GRAMD1B: variants seen among roughly 807,000 people sequenced by gnomAD.
GRAMD1B encodes protein Aster-B.
Under a neutral mutation model 99.7 loss-of-function variants are expected in GRAMD1B, and 37 were observed. The observed-to-expected ratio is 0.37, with a 90% CI of 0.29 to 0.49. The LOEUF is 0.49. Among genes scored for constraint, GRAMD1B ranks in the 20% least tolerant of loss-of-function variants. The pLI, the probability that GRAMD1B is intolerant of heterozygous loss-of-function variation, is 0.98. For missense variants in GRAMD1B, 888 were observed against 1,009.2 expected (o/e 0.88, Z 1.63); for synonymous variants, 427 against 387.6 (o/e 1.10, Z -1.19).
At chr11:123,532,547 G>A (rs1003681162) in intron 2 of GRAMD1B, among the ~76,000 whole-genome samples, 5 of 152,186 alleles carry the variant, frequency 3.3e-5, no homozygotes, top group African/African-American at 1.2e-4. Flanking sequence ...CTAAGACACA[G>A]CAGCACTTCC....
At chr11:123,419,741 G>C (rs1948360549) in intron 1 of GRAMD1B, among the ~76,000 whole-genome samples, 1 of 139,754 alleles carries the variant, frequency 7.2e-6, no homozygotes, top group African/African-American at 2.9e-5. Context: ...GTGTGTGTGT[G>C]TGTGTGAATG....
chr11:123,518,745 TAGAGTGATC>T (rs1255062894), intron 2 of GRAMD1B, among the ~76,000 whole-genome samples: 1 of 152,170 alleles, frequency 6.6e-6, no homozygotes, highest in African/African-American at 2.4e-5. Flanking sequence ...CTTTAGATTC[TAGAGTGATC>T]AGAGGATCAG....
intron 3 of GRAMD1B, chr11:123,578,304 C>A: frequency 1.1e-6 from 1 of 917,952 alleles, no homozygotes; most frequent in Non-Finnish European, 1.7e-6. Context: ...CCCTGGGAGG[C>A]ATGGGAGCTG....
chr11:123,433,592 T>C (rs1188757744), intron 1 of GRAMD1B, among the ~76,000 whole-genome samples: 1 of 152,092 alleles, frequency 6.6e-6, no homozygotes, highest in Non-Finnish European at 1.5e-5. Context: ...AGTTCAAGGC[T>C]TTAGTAGGCT....
At chr11:123,607,280 A>G (rs529074374) in intron 11 of GRAMD1B, among the ~76,000 whole-genome samples, 1 of 152,154 alleles carries the variant, frequency 6.6e-6, no homozygotes, top group Non-Finnish European at 1.5e-5. Flanking sequence ...TTGTTTCTCT[A>G]ATTTTTGTAA....
intron 2 of GRAMD1B, among the ~76,000 whole-genome samples, chr11:123,519,552 C>A (rs1253208793): frequency 1.3e-5 from 2 of 152,218 alleles, no homozygotes; most frequent in Non-Finnish European, 1.5e-5. Flanking sequence ...TGATGACTCC[C>A]CTGCCTGAGC....
chr11:123,402,950 C>A lies in GRAMD1B; in HGVS notation c.-176+44151C>A, dbSNP rs140120761. 7.9e-4 allele frequency among the ~76,000 whole-genome samples: 114 copies of A among 144,442 alleles called. 1 individual carries two copies. The highest frequency in any genetic ancestry group is 3.1e-3 in the African/African-American group (113 of 36,768). The allele number at this position is 144,442 out of a possible 152,430, so 94.8% of individuals were successfully genotyped here. A position where few individuals can be genotyped will look rare whatever the true frequency, so the allele number is the denominator to read the frequency against. ...GCAATCCCATTACTGGGTATATATA[C>A]CCAAAGGATTAAAAATCTTTTTTTT... On this transcript the variant is annotated intron_variant, in intron 1 of 20. Transcript: ENST00000638157.
Position 123,600,543 on chromosome 11 carries a change from G to C in GRAMD1B, c.1045G>C (p.Glu349Gln), listed in dbSNP as rs900414573. The C allele has an allele frequency of 6.2e-7, 1 of 1,608,254 alleles. No individual in the cohort carries two copies. Among genetic ancestry groups the C allele is most frequent in the African/African-American group, 1.3e-5 (1 of 74,800 alleles). ...MFRLWQNALL[E>Q]KPLCPKELWH... is the part of the protein sequence containing the mutation. ...CCGGCTCTGGCAGAATGCTCTCCTTGAAAAGGTAAGTACGGCCGAGTTTGC... is the reference window on the plus strand; with the variant it reads ...CCGGCTCTGGCAGAATGCTCTCCTTCAAAAGGTAAGTACGGCCGAGTTTGC... Residue 349 changes from glutamate (E) to glutamine (Q), a missense_variant, in exon 8 of 20, where the codon GAA becomes CAA. Around this residue, in one of 5 missense-constraint regions of GRAMD1B, gnomAD observed 269 missense variants for 296.6 expected, o/e 0.91. Transcript: ENST00000635736.
intron 1 of GRAMD1B, among the ~76,000 whole-genome samples, chr11:123,433,365 C>G (rs750814287): frequency 9.9e-5 from 15 of 152,026 alleles, no homozygotes; most frequent in Non-Finnish European, 1.9e-4. Context: ...GCAACAAGAG[C>G]GAAACTTCAT....
At chr11:123,575,709 C>T (rs973403076) in intron 2 of GRAMD1B, among the ~76,000 whole-genome samples, 2 of 152,128 alleles carry the variant, frequency 1.3e-5, no homozygotes, top group Non-Finnish European at 2.9e-5. Context: ...CCACCAGCCC[C>T]ACGGCCTGGC....
intron 1 of GRAMD1B, chr11:123,460,426 C>G (rs1950355457): frequency 6.6e-6 from 1 of 152,224 alleles, no homozygotes; most frequent in South Asian, 2.1e-4. Flanking sequence ...CGGGACTGAA[C>G]TTGAAGAGGG....
intron 2 of GRAMD1B, among the ~76,000 whole-genome samples, chr11:123,564,139 C>G (rs1355886242): frequency 1.3e-5 from 2 of 152,198 alleles, no homozygotes; most frequent in Non-Finnish European, 2.9e-5. Flanking sequence ...CTTAGTCTGA[C>G]TGCCTCTTGA....
In GRAMD1B at chr11:123,591,212, G is replaced by A. The variant is rs564185521; in HGVS notation, c.685-2870G>A. 19 of 388,966 alleles carry A rather than the reference G, an allele frequency of 4.9e-5. No homozygotes were observed. In the South Asian group the frequency reaches 2.7e-3, roughly 56 times the overall value. The allele number at this position is 388,966 out of a possible 1,614,324, so 24.1% of individuals were successfully genotyped here. ...GGCTCACTTGTGAAGCTTCATGCTGGGCATGCAGCTCTAGGAGCAGAAAGG... is the reference window on the plus strand; with the variant it reads ...GGCTCACTTGTGAAGCTTCATGCTGAGCATGCAGCTCTAGGAGCAGAAAGG... On this transcript the variant is annotated intron_variant, in intron 4 of 19. Transcript: ENST00000635736. The surrounding 1 kb of genome is among the most constrained non-coding windows in gnomAD (Gnocchi z 4.7).
At chr11:123,415,469 T>C (rs1397920974) in intron 1 of GRAMD1B, among the ~76,000 whole-genome samples, 4 of 152,004 alleles carry the variant, frequency 2.6e-5, no homozygotes, top group Admixed American at 1.3e-4. Context: ...TGTGGTGACA[T>C]TGCTATCTTT....
intron 2 of GRAMD1B, among the ~76,000 whole-genome samples, chr11:123,546,680 G>A (rs1345978384): frequency 6.6e-6 from 1 of 152,194 alleles, no homozygotes; most frequent in African/African-American, 2.4e-5. Flanking sequence ...GTATTTTACA[G>A]ATCCTGATAT....
intron 1 of GRAMD1B, chr11:123,435,792 C>A: frequency 4.0e-6 from 1 of 250,454 alleles, no homozygotes; most frequent in Non-Finnish European, 7.5e-6. Flanking sequence ...TTTTTAAAAA[C>A]AGCTTTATTG....
At chr11:123,516,582 G>A (rs1312393736) in intron 2 of GRAMD1B, among the ~76,000 whole-genome samples, 4 of 151,962 alleles carry the variant, frequency 2.6e-5, no homozygotes, top group African/African-American at 9.7e-5. Context: ...TGGCTCTTTT[G>A]TGTTAAGACC....
chr11:123,599,495 C>T (rs774177634), intron 7 of GRAMD1B: 83 of 575,100 alleles, frequency 1.4e-4, no homozygotes, highest in African/African-American at 2.4e-4. Context: ...TTTTTTGAGG[C>T]GCAGTCTCAC....
At chr11:123,396,416 T>C (rs367744317) in intron 1 of GRAMD1B, among the ~76,000 whole-genome samples, 2 of 151,792 alleles carry the variant, frequency 1.3e-5, no homozygotes, top group African/African-American at 2.4e-5. Flanking sequence ...GCTGGGATTA[T>C]AGGCATGTAC....
Sources: gnomAD v4.1 joint callset for allele counts (sites outside exome capture counted in the v4.1 genomes callset) on GRCh38, gnomAD v4.1.1 for gene constraint, gnomAD v4.1.1 regional missense constraint, Gnocchi (gnomAD v3.1) non-coding constraint, MANE v1.5 for transcripts, NCBI Gene and HGNC (gene_info 2026-07-23, HGNC 2026-07-21) for gene names.